Variants in MVP observed in about 807,000 individuals in gnomAD.
The protein encoded by MVP is lung resistance-related protein.
In MVP, 62 loss-of-function variants were observed where a neutral mutation model predicts 83.5. The ratio of observed to expected loss-of-function variants is 0.74; its 90% CI spans 0.61 to 0.92. The LOEUF (loss-of-function observed/expected upper bound fraction) is 0.92, where lower values mean the gene tolerates loss of function less well. Ranked by LOEUF, MVP falls within the 40% of genes least tolerant of loss-of-function variation. The pLI is 0.00. For synonymous variants in MVP, 505 were observed against 504.1 expected, an observed-to-expected ratio of 1.00 and a Z score of -0.02; for missense variants, 1,000 against 1,203.4, an observed-to-expected ratio of 0.83 and a Z score of 2.50.
In MVP at chr16:29,845,916, A is replaced by G; in HGVS notation, c.2075A>G (p.Lys692Arg). 1 of 1,614,202 alleles carries G rather than the reference A, an allele frequency of 6.2e-7. No individual in the cohort carries two copies. The highest frequency in any genetic ancestry group is 1.1e-5 in the South Asian group (1 of 91,090). ...GCCCGCGGCCGGCTTGAGCGGCAGA[A>G]GATCCTGGACCAGTCAGAAGCCGAG... is the stretch of plus-strand genomic sequence containing the variant. ...QEARGRLERQ[K>R]ILDQSEAEKA... Residue 692 changes from lysine (K) to arginine (R), a missense_variant, in exon 12 of 15, where the codon AAG becomes AGG. Coordinates refer to ENST00000357402, the MANE Select transcript of MVP (RefSeq NM_005115.5).
intron 3 of MVP, 36 bp from the exon 4 acceptor site, chr16:29,833,697 C>T (rs2067462590): frequency 1.9e-6 from 3 of 1,612,972 alleles, no homozygotes; most frequent in South Asian, 2.2e-5. Context: ...GGTCACAGCA[C>T]TGATGGTTCT....
intron 3 of MVP, chr16:29,831,500 G>A: frequency 2.3e-6 from 1 of 430,842 alleles, no homozygotes; most frequent in South Asian, 1.7e-5. Flanking sequence ...TGGGAGGGGT[G>A]GGGAGAGACA....
intron 8 of MVP, among the ~76,000 whole-genome samples, chr16:29,840,899 A>G (rs750486487): frequency 2.6e-5 from 4 of 152,000 alleles, no homozygotes; most frequent in African/African-American, 9.7e-5. Context: ...AGATCACACC[A>G]CTGCACTTCA....
intron 1 of MVP, among the ~76,000 whole-genome samples, chr16:29,827,152 G>A (rs890021180): frequency 6.6e-6 from 1 of 152,124 alleles, no homozygotes; most frequent in African/African-American, 2.4e-5. Context: ...CCGCAGAAGA[G>A]GGAGCTCTGA....
At chr16:29,828,938 C>T (rs1263604631) in intron 1 of MVP, among the ~76,000 whole-genome samples, 1 of 152,134 alleles carries the variant, frequency 6.6e-6, no homozygotes, top group East Asian at 1.9e-4. Context: ...TCCTCTTGGG[C>T]TGTATCCAGC....
chr16:29,824,969 T>C (rs2067395118), intron 1 of MVP, among the ~76,000 whole-genome samples: 1 of 151,962 alleles, frequency 6.6e-6, no homozygotes, highest in African/African-American at 2.4e-5. Flanking sequence ...CTTGAACTCC[T>C]GGCCTCAATC....
intron 11 of MVP, 21 bp downstream of exon 11, chr16:29,844,900 G>C: frequency 6.3e-7 from 1 of 1,585,846 alleles, no homozygotes; most frequent in Non-Finnish European, 8.5e-7. Context: ...CTGGGAGCTC[G>C]GCTGCCTATA....
At chr16:29,835,868 G>A in intron 6 of MVP, 70 bp downstream of exon 6, 2 of 1,266,170 alleles carry the variant, frequency 1.6e-6, no homozygotes, top group Non-Finnish European at 1.1e-6. Context: ...AGAGAATGGT[G>A]GTAGAATGGC....
At position 29,830,232 on chromosome 16, in the gene MVP, A is replaced by C. The variant is rs1220383195; in HGVS notation, c.-35-283A>C. 2.4e-5 allele frequency: 6 copies of C among 250,872 alleles called. No individual in the cohort carries two copies. In the Admixed American group the frequency reaches 2.5e-4, roughly 11 times the overall value. 15.5% of individuals were successfully genotyped at this position (250,872 alleles called of 1,614,324 possible). ...CAGTGCCGGTGGCAGTGTAGGGGGA[A>C]GTAGTTGATGGGAGTGAGGGAAAGG... On this transcript the variant is annotated intron_variant, in intron 1 of 14. Transcript: ENST00000357402.
chr16:29,847,909 C>A lies in MVP; in HGVS notation c.2602C>A (p.Pro868Thr). ...LGRRVASGPS[P>T]GEGISPQSAQ... The stretch of plus-strand genomic sequence containing the variant: ...CAGAAGGGTGGCCAGTGGGCCCAGC[C>A]CTGGGGAGGGGATATCCCCCCAGTC... Residue 868 changes from proline (P) to threonine (T), a missense_variant, in exon 15 of 15, where the codon CCT becomes ACT. By Grantham distance (38) the Pro-to-Thr change is conservative. Transcript: ENST00000357402. 2.5e-6 allele frequency: 4 copies of A among 1,613,916 alleles called. No homozygotes were observed. Among genetic ancestry groups the A allele is most frequent in the Non-Finnish European group, 3.4e-6 (4 of 1,179,892 alleles).
chr16:29,839,590 T>C (rs73528372), intron 7 of MVP, among the ~76,000 whole-genome samples: 72 of 151,834 alleles, frequency 4.7e-4, no homozygotes, highest in Admixed American at 4.7e-3. Context: ...TGAGACCAGC[T>C]TAGGCAGCAT....
chr16:29,837,924 A>G (rs1336591633), intron 7 of MVP, among the ~76,000 whole-genome samples: 1 of 151,938 alleles, frequency 6.6e-6, no homozygotes, highest in African/African-American at 2.4e-5. Context: ...CCCCTACTTC[A>G]TCCCCTCTCT....
chr16:29,831,312 C>T (rs185753938), intron 3 of MVP, among the ~76,000 whole-genome samples: 54 of 152,240 alleles, frequency 3.5e-4, no homozygotes, highest in African/African-American at 1.2e-3. Flanking sequence ...CGCCACCACG[C>T]CCGGCTAATT....
At chr16:29,847,662 A>G in intron 14 of MVP, 100 bp from the exon 15 acceptor site, 1 of 1,199,690 alleles carries the variant, frequency 8.3e-7, no homozygotes, top group Non-Finnish European at 1.2e-6. Flanking sequence ...GGTCAGATGC[A>G]GGGGAGGTGA....
rs1900348801 is a variant in MVP, at chr16:29,820,511, G to A, written c.-36+1G>A. On this transcript the variant is annotated splice_donor_variant, in intron 1 of 14. Coordinates refer to ENST00000357402, the MANE Select transcript of MVP (RefSeq NM_005115.5). LOFTEE classifies it low-confidence loss of function (5UTR_SPLICE). ...GTTGCAGCTACCTGCACTTCTAGAT[G>A]TGAGTACATTGTACTAGCCCCCCAA... is the stretch of plus-strand genomic sequence containing the variant. 3 of 152,284 alleles carry A rather than the reference G, an allele frequency of 2.0e-5. No individual in the cohort carries two copies. Among genetic ancestry groups the A allele is most frequent in the Admixed American group, 1.3e-4 (2 of 15,278 alleles). The allele number at this position is 152,284 out of a possible 1,614,324, so 9.4% of individuals were successfully genotyped here.
In MVP at chr16:29,844,652, C is replaced by A; in HGVS notation, c.1794C>A (p.Ile598=). Residue 598 remains isoleucine, a synonymous_variant, in exon 11 of 15, where the codon ATC becomes ATA. Transcript: ENST00000357402. ...FDDFHKNSAR[I]IRTAVFGFET... ...ACTTCCATAAGAACTCAGCCCGCAT[C>A]ATTCGCACTGCTGTCTTTGGCTTTG... 6.2e-7 allele frequency: 1 copy of A among 1,614,218 alleles called. No individual in the cohort carries two copies. Among genetic ancestry groups the A allele is most frequent in the Non-Finnish European group, 8.5e-7 (1 of 1,180,008 alleles).
At chr16:29,828,361 C>A (rs956980074) in intron 1 of MVP, among the ~76,000 whole-genome samples, 2 of 152,040 alleles carry the variant, frequency 1.3e-5, no homozygotes, top group Non-Finnish European at 2.9e-5. Flanking sequence ...CTCTATTGGA[C>A]GCTGCTGAGT....
Position 29,847,985 on chromosome 16 carries a change from G to T in MVP, c.2678G>T (p.Arg893Leu), listed in dbSNP as rs753554076. Residue 893 changes from arginine (R) to leucine (L), a missense_variant, in exon 15 of 15, where the codon CGC becomes CTC. Arg to Leu is a moderately radical substitution (Grantham distance 102). Coordinates refer to ENST00000357402, the MANE Select transcript of MVP (RefSeq NM_005115.5). Reference protein sequence around the residue: ...PGDNHVVPVLR With the variant: ...PGDNHVVPVLL ...GACAACCACGTGGTGCCTGTACTGC[G>T]CTAACTCCTGATTAATACAATGGAA... 6.2e-7 allele frequency: 1 copy of T among 1,605,638 alleles called. No homozygotes were observed. The highest frequency in any genetic ancestry group is 8.5e-7 in the Non-Finnish European group (1 of 1,177,588).
intron 11 of MVP, among the ~76,000 whole-genome samples, chr16:29,845,181 A>C (rs1386140180): frequency 1.4e-5 from 2 of 147,972 alleles, no homozygotes; most frequent in Non-Finnish European, 3.0e-5. Flanking sequence ...GGCCTGGGAG[A>C]CTGACCCTGT....
Sources: gnomAD v4.1 joint callset for allele counts (sites outside exome capture counted in the v4.1 genomes callset) on GRCh38, gnomAD v4.1.1 for gene constraint, MANE v1.5 for transcripts, NCBI Gene and HGNC (gene_info 2026-07-23, HGNC 2026-07-21) for gene names.